Variants in ISM1 observed in about 807,000 individuals in gnomAD.
ISM1 encodes the protein isthmin 1, also known as isthmin-1.
A neutral mutation model predicts 46.3 loss-of-function variants in ISM1; 25 were observed. The observed-to-expected ratio is 0.54, with a 90% CI of 0.39 to 0.75. The LOEUF is 0.75. Among genes scored for constraint, ISM1 ranks in the 30% least tolerant of loss-of-function variants. The pLI, the probability that ISM1 is intolerant of heterozygous loss-of-function variation, is 0.00. For missense variants in ISM1, 536 were observed against 625.4 expected, an observed-to-expected ratio of 0.86 and a Z score of 1.52; for synonymous variants, 255 against 256.7, an observed-to-expected ratio of 0.99 and a Z score of 0.06.
intron 1 of ISM1, among the ~76,000 whole-genome samples, chr20:13,266,727 C>G (rs543300973): frequency 6.6e-6 from 1 of 152,176 alleles, no homozygotes; most frequent in Admixed American, 6.5e-5. Flanking sequence ...CCTTAAATTC[C>G]CAGACTTTCC....
At chr20:13,276,914 A>C (rs1043105493) in intron 2 of ISM1, among the ~76,000 whole-genome samples, 7 of 152,184 alleles carry the variant, frequency 4.6e-5, no homozygotes, top group Non-Finnish European at 1.0e-4. Context: ...TGAGGTTTTC[A>C]CTTTGTTAAC....
rs139650631 is a variant in ISM1, at chr20:13,234,063, T to C, written c.138+12149T>C. 9.1e-4 allele frequency among the ~76,000 whole-genome samples: 139 copies of C among 152,304 alleles called. 2 individuals are homozygous for C. Among genetic ancestry groups the C allele is most frequent in the African/African-American group, 3.3e-3 (137 of 41,560 alleles). On this transcript the variant is annotated intron_variant, in intron 1 of 5. Transcript: ENST00000262487. ...GAAGTCTGGGCTTTTAGTGTACTCA[T>C]CACCTGAGTAGTGAATATTGTACCC...
chr20:13,298,389 T>A (rs1264556484), intron 5 of ISM1, among the ~76,000 whole-genome samples: 1 of 152,220 alleles, frequency 6.6e-6, no homozygotes, highest in Non-Finnish European at 1.5e-5. Flanking sequence ...GTGCTGGGAT[T>A]ACAGGCATAT....
chr20:13,294,555 G>T (rs6074585), intron 5 of ISM1, among the ~76,000 whole-genome samples: 4 of 152,102 alleles, frequency 2.6e-5, no homozygotes, highest in Non-Finnish European at 5.9e-5. Flanking sequence ...ATGTGGCTAA[G>T]GACACCAGAG....
chr20:13,302,881 C>A (rs1217181180), downstream of ISM1, among the ~76,000 whole-genome samples: 2 of 152,120 alleles, frequency 1.3e-5, no homozygotes, highest in Non-Finnish European at 2.9e-5. Context: ...GCTTTCTCTT[C>A]GGACCCAGTT....
intron 1 of ISM1, among the ~76,000 whole-genome samples, chr20:13,231,851 A>C (rs564425649): frequency 2.0e-5 from 3 of 152,284 alleles, no homozygotes; most frequent in South Asian, 2.1e-4. Flanking sequence ...CCAAATATTC[A>C]AGAGCAGTGA....
At chr20:13,321,066 G>A in the ISM1 span, among the ~76,000 whole-genome samples, 1 of 151,764 alleles carries the variant, frequency 6.6e-6, no homozygotes. Context: ...AGGCATGGTG[G>A]TACGTGCCTG....
At position 13,269,207 on chromosome 20, in the gene ISM1, A is replaced by G. The variant is rs562434155; in HGVS notation, c.139-1297A>G. On this transcript the variant is annotated intron_variant, in intron 1 of 5. Coordinates refer to ENST00000262487, the MANE Select transcript of ISM1 (RefSeq NM_080826.2). ...CTGACCCAAAGCCTGGTGAAATTCT[A>G]TCTCCTTGTCTCTCTCCACCAGTAA... is the stretch of plus-strand genomic sequence containing the variant. Among the ~76,000 whole-genome samples the G allele has an allele frequency of 2.6e-5, 4 of 152,316 alleles. No individual in the cohort carries two copies. In the East Asian group the frequency reaches 7.7e-4, roughly 29 times the overall value.
intron 4 of ISM1, among the ~76,000 whole-genome samples, chr20:13,288,917 TG>T (rs35245198): frequency 1.6e-4 from 25 of 152,118 alleles, no homozygotes; most frequent in African/African-American, 6.0e-4. Flanking sequence ...CCTGAGTAGC[TG>T]GGATTACAGG....
At chr20:13,246,577 A>G (rs529779294) in intron 1 of ISM1, among the ~76,000 whole-genome samples, 1 of 152,242 alleles carries the variant, frequency 6.6e-6, no homozygotes, top group South Asian at 2.1e-4. Context: ...TGCCTTCACC[A>G]CATTTAAGGA....
the ISM1 span, among the ~76,000 whole-genome samples, chr20:13,318,998 C>G: frequency 2.0e-5 from 3 of 152,112 alleles, no homozygotes; most frequent in Admixed American, 1.3e-4. Flanking sequence ...TACAACAGCA[C>G]GAGTGAACCC....
intron 4 of ISM1, among the ~76,000 whole-genome samples, chr20:13,290,037 G>A (rs1245726686): frequency 2.6e-5 from 4 of 152,170 alleles, no homozygotes; most frequent in Non-Finnish European, 5.9e-5. Flanking sequence ...GAATCAGATT[G>A]GAATGAATGT....
At chr20:13,275,958 T>A (rs1048240110) in intron 2 of ISM1, among the ~76,000 whole-genome samples, 1 of 152,210 alleles carries the variant, frequency 6.6e-6, no homozygotes, top group Non-Finnish European at 1.5e-5. Context: ...TAGATTGGCG[T>A]GCTGCAAGTC....
chr20:13,317,072 A>C, the ISM1 span, among the ~76,000 whole-genome samples: 1 of 152,106 alleles, frequency 6.6e-6, no homozygotes, highest in East Asian at 1.9e-4. Context: ...TCTGGAATTA[A>C]TAAGCAATTA....
rs776466599 is a variant in ISM1 at position 13,299,065 on chromosome 20, C to T, written c.1001C>T (p.Thr334Met). ...TACCCCACTGAGGTGGCCTACAGCA[C>T]GGCCGACATCTTCGACCGCATCAAG... ...CSYPTEVAYS[T>M]ADIFDRIKRK... is the part of the protein sequence containing the mutation. Residue 334 changes from threonine (T) to methionine (M), a missense_variant, in exon 6 of 6, where the codon ACG becomes ATG. Around this residue, in one of 2 missense-constraint regions of ISM1, gnomAD observed 169 missense variants for 249.3 expected, o/e 0.68. Transcript: ENST00000262487. The surrounding 1 kb of genome is among the most constrained non-coding windows in gnomAD (Gnocchi z 5.8). 9 of 1,613,832 alleles carry T rather than the reference C, an allele frequency of 5.6e-6. No individual in the cohort carries two copies. The highest frequency in any genetic ancestry group is 4.5e-5 in the East Asian group (2 of 44,874).
Position 13,299,406 on chromosome 20 carries a change from A to AGGCCCG in ISM1, c.1343_1344insGCCCGG (p.Ser448delinsArgProGly). The AGGCCCG allele has an allele frequency of 1.2e-6, 2 of 1,612,158 alleles. No homozygotes were observed. The highest frequency in any genetic ancestry group is 8.5e-7 in the Non-Finnish European group (1 of 1,179,830). On this transcript the variant is annotated protein_altering_variant, in exon 6 of 6. Coordinates refer to ENST00000262487, the MANE Select transcript of ISM1 (RefSeq NM_080826.2). This position sits in a 1 kb window ranked among gnomAD's most constrained non-coding sequence, Gnocchi z 5.8. ...CAACAACGGACAGAAGTGCACAGAG[A>AGGCCCG]GCCCCTCGGACGAGGACTACATCAA...
At chr20:13,309,709 A>G in the ISM1 span, among the ~76,000 whole-genome samples, 3 of 152,196 alleles carry the variant, frequency 2.0e-5, no homozygotes, top group Admixed American at 1.3e-4. Context: ...TAAAGGCTCC[A>G]CCAAAAAGCT....
chr20:13,245,765 CCTCTG>C (rs2039785241), intron 1 of ISM1, among the ~76,000 whole-genome samples: 1 of 152,202 alleles, frequency 6.6e-6, no homozygotes, highest in Non-Finnish European at 1.5e-5. Context: ...CTGTTGCTCT[CCTCTG>C]CTCACAAACT....
chr20:13,310,456 T>G, the ISM1 span, among the ~76,000 whole-genome samples: 32 of 151,450 alleles, frequency 2.1e-4, no homozygotes, highest in African/African-American at 7.5e-4. Flanking sequence ...ATATAAGACC[T>G]AAAACTGTAA....
Sources: gnomAD v4.1 joint callset for allele counts (sites outside exome capture counted in the v4.1 genomes callset) on GRCh38, gnomAD v4.1.1 for gene constraint, gnomAD v4.1.1 regional missense constraint, Gnocchi (gnomAD v3.1) non-coding constraint, MANE v1.5 for transcripts, NCBI Gene and HGNC (gene_info 2026-07-23, HGNC 2026-07-21) for gene names.